PLCL1: variants seen among roughly 807,000 people sequenced by gnomAD.
PLCL1 encodes inactive phospholipase C-like protein 1.
A neutral mutation model predicts 84.4 loss-of-function variants in PLCL1; 41 were observed. That is an observed-to-expected ratio of 0.49 (90% confidence interval 0.38 to 0.63). The LOEUF (loss-of-function observed/expected upper bound fraction) is 0.63. PLCL1 is among the 30% of genes least tolerant of loss of function. The pLI, the probability that PLCL1 is intolerant of heterozygous loss-of-function variation, is 0.00. For missense variants in PLCL1, 1,206 were observed against 1,367.8 expected (o/e 0.88, Z 1.87); for synonymous variants, 490 against 488.3 (o/e 1.00, Z -0.05).
At position 197,973,345 on chromosome 2, in the gene PLCL1, T is replaced by C. The variant is rs140769150; in HGVS notation, c.241-110413T>C. 6.1e-4 allele frequency among the ~76,000 whole-genome samples: 93 copies of C among 152,318 alleles called. 3 individuals are homozygous for C. The South Asian group carries it at 0.014, about 22-fold the overall frequency. On this transcript the variant is annotated intron_variant, in intron 1 of 5. Coordinates refer to ENST00000428675, the MANE Select transcript of PLCL1 (RefSeq NM_006226.4). ...TGAATTGAAGGTGAATTCTAGGAGATCTGACTGTCCCAAGTAGGATGATAC... is the reference window on the plus strand; with the variant it reads ...TGAATTGAAGGTGAATTCTAGGAGACCTGACTGTCCCAAGTAGGATGATAC...
intron 1 of PLCL1, among the ~76,000 whole-genome samples, chr2:197,896,385 C>G (rs1219891382): frequency 6.6e-6 from 1 of 151,908 alleles, no homozygotes; most frequent in Non-Finnish European, 1.5e-5. Context: ...AGAGCAAAGC[C>G]CTATGTGCCC....
intron 5 of PLCL1, among the ~76,000 whole-genome samples, chr2:198,141,379 A>G (rs1463004850): frequency 6.6e-6 from 1 of 151,982 alleles, no homozygotes. Flanking sequence ...TAATTCCTAC[A>G]CAGATAGGCC....
At chr2:197,810,884 C>T (rs1462032930) in intron 1 of PLCL1, among the ~76,000 whole-genome samples, 1 of 151,982 alleles carries the variant, frequency 6.6e-6, no homozygotes, top group African/African-American at 2.4e-5. Context: ...AAAAAACTAT[C>T]CGACTTTAGA....
chr2:197,851,856 C>A (rs958168310), intron 1 of PLCL1, among the ~76,000 whole-genome samples: 1 of 152,204 alleles, frequency 6.6e-6, no homozygotes, highest in Non-Finnish European at 1.5e-5. Context: ...CCTGACTCCA[C>A]CTCACCCAAA....
At chr2:198,011,438 T>C (rs1188688347) in intron 1 of PLCL1, among the ~76,000 whole-genome samples, 2 of 152,108 alleles carry the variant, frequency 1.3e-5, no homozygotes, top group Non-Finnish European at 2.9e-5. Context: ...CTTTCTGCTA[T>C]TGATTTTTAG....
At chr2:197,877,714 CGCAAGTCCACT>C (rs1687761566) in intron 1 of PLCL1, among the ~76,000 whole-genome samples, 1 of 151,992 alleles carries the variant, frequency 6.6e-6, no homozygotes, top group Admixed American at 6.6e-5. Flanking sequence ...AGGAAATGAA[CGCAAGTCCACT>C]GCCTTAATTT....
At chr2:198,047,672 G>A (rs1691838397) in intron 1 of PLCL1, among the ~76,000 whole-genome samples, 2 of 152,188 alleles carry the variant, frequency 1.3e-5, no homozygotes, top group South Asian at 4.1e-4. Context: ...ATATATTGGG[G>A]AAAAGGGTGA....
chr2:197,921,444 AT>A (rs1178245948), intron 1 of PLCL1, among the ~76,000 whole-genome samples: 1 of 152,204 alleles, frequency 6.6e-6, no homozygotes, highest in Admixed American at 6.5e-5. Context: ...GTATGCCTTG[AT>A]TATAAATATT....
intron 1 of PLCL1, among the ~76,000 whole-genome samples, chr2:197,960,291 A>C (rs970088465): frequency 6.6e-6 from 1 of 152,098 alleles, no homozygotes; most frequent in Non-Finnish European, 1.5e-5. Context: ...CTAATTTTGC[A>C]TGGAGTTGAG....
At chr2:198,094,501 A>C (rs1693141483) in intron 3 of PLCL1, among the ~76,000 whole-genome samples, 1 of 133,828 alleles carries the variant, frequency 7.5e-6, no homozygotes, top group Admixed American at 7.4e-5. Flanking sequence ...GGGAAGGCAC[A>C]CTCTCCCCTG....
chr2:198,006,928 T>C (rs1192725957), intron 1 of PLCL1, among the ~76,000 whole-genome samples: 2 of 152,176 alleles, frequency 1.3e-5, no homozygotes, highest in African/African-American at 2.4e-5. Flanking sequence ...AGGTGAGCGA[T>C]AGTCACCCCT....
chr2:197,848,796 G>T (rs553352240), intron 1 of PLCL1, among the ~76,000 whole-genome samples: 1 of 152,268 alleles, frequency 6.6e-6, no homozygotes, highest in East Asian at 1.9e-4. Flanking sequence ...CCTGACCCAA[G>T]TGATGGTGTC....
chr2:197,890,948 G>T (rs1351738982), intron 1 of PLCL1, among the ~76,000 whole-genome samples: 3 of 150,366 alleles, frequency 2.0e-5, no homozygotes, highest in Non-Finnish European at 4.4e-5. Flanking sequence ...AATAATCAAT[G>T]TCATTTTTAA....
At position 198,082,163 on chromosome 2, in the gene PLCL1, A is replaced by G. The variant is rs142269346; in HGVS notation, c.241-1595A>G. Among the ~76,000 whole-genome samples the G allele has an allele frequency of 2.6e-5, 4 of 152,322 alleles. No homozygotes were observed. In the East Asian group the frequency reaches 7.7e-4, roughly 29 times the overall value. Reference sequence around the variant, plus strand: ...TACAGTTTATAAAGAACAGTCACGCACATTTTCTCTTTTCAGTCTCACAAT... The same window carrying G: ...TACAGTTTATAAAGAACAGTCACGCGCATTTTCTCTTTTCAGTCTCACAAT... On this transcript the variant is annotated intron_variant, in intron 1 of 5. Coordinates refer to ENST00000428675, the MANE Select transcript of PLCL1 (RefSeq NM_006226.4).
Position 197,804,942 on chromosome 2 carries a change from T to TGCCGCCGCCGCCGCCGCC in PLCL1, c.-151_-134dup, listed in dbSNP as rs3056066. On this transcript the variant is annotated 5_prime_UTR_variant, in exon 1 of 6. Transcript: ENST00000428675. ...GAGCGATGTCCCCTCTCCAGAAAGT[T>TGCCGCCGCCGCCGCCGCC]GCCGCCGCCGCCGCCGCCGCCGCCA... The TGCCGCCGCCGCCGCCGCC allele has an allele frequency of 1.4e-6, 1 of 726,236 alleles. No homozygotes were observed. The highest frequency in any genetic ancestry group is 2.1e-5 in the South Asian group (1 of 48,508). 45.0% of individuals were successfully genotyped at this position (726,236 alleles called of 1,614,324 possible).
Position 198,128,193 on chromosome 2 carries a change from G to A in PLCL1, c.3106-18587G>A, listed in dbSNP as rs565805845. Among the ~76,000 whole-genome samples, 51 of 152,204 alleles carry A rather than the reference G, an allele frequency of 3.4e-4. 1 individual carries two copies. Among genetic ancestry groups the A allele is most frequent in the Non-Finnish European group, 7.4e-5 (5 of 68,010 alleles). ...CCGACTGAATGGACCTGTCCTATGGGGACAAGGGGATTCCAAAAAATTCCA... is the reference window on the plus strand; with the variant it reads ...CCGACTGAATGGACCTGTCCTATGGAGACAAGGGGATTCCAAAAAATTCCA... On this transcript the variant is annotated intron_variant, in intron 5 of 5. Coordinates refer to ENST00000428675, the MANE Select transcript of PLCL1 (RefSeq NM_006226.4).
In PLCL1 at chr2:197,890,701, T is replaced by TATATATATATATATATATATATATAC. The variant is rs11270566; in HGVS notation, c.240+85363_240+85364insTATATATATATATATATATATATACA. On this transcript the variant is annotated intron_variant, in intron 1 of 5. Coordinates refer to ENST00000428675, the MANE Select transcript of PLCL1 (RefSeq NM_006226.4). Reference sequence around the variant, plus strand: ...TTTTTGCTATATATATATATATATATACACACACACATATACGTATATATG... The same window carrying TATATATATATATATATATATATATAC: ...TTTTTGCTATATATATATATATATATATATATATATATATATATATATATACACACACACACATATACGTATATATG... 4.9e-3 allele frequency among the ~76,000 whole-genome samples: 584 copies of TATATATATATATATATATATATATAC among 118,156 alleles called. 8 individuals are homozygous for TATATATATATATATATATATATATAC. The highest frequency in any genetic ancestry group is 0.02 in the African/African-American group (526 of 25,866). The allele number at this position is 118,156 out of a possible 152,430, so 77.5% of individuals were successfully genotyped here. A position where few individuals can be genotyped will look rare whatever the true frequency, so the allele number is the denominator to read the frequency against.
At chr2:197,827,743 C>T (rs972099077) in intron 1 of PLCL1, among the ~76,000 whole-genome samples, 1 of 152,146 alleles carries the variant, frequency 6.6e-6, no homozygotes, top group African/African-American at 2.4e-5. Context: ...CAGATATTCG[C>T]TCTTCAAGAT....
chr2:198,037,953 C>A (rs1415893049), intron 1 of PLCL1, among the ~76,000 whole-genome samples: 1 of 152,120 alleles, frequency 6.6e-6, no homozygotes, highest in African/African-American at 2.4e-5. Context: ...GTTATTGATG[C>A]ATTTTCAAGA....
Sources: gnomAD v4.1 joint callset for allele counts (sites outside exome capture counted in the v4.1 genomes callset) on GRCh38, gnomAD v4.1.1 for gene constraint, MANE v1.5 for transcripts, NCBI Gene and HGNC (gene_info 2026-07-23, HGNC 2026-07-21) for gene names.